Variants in LRRC57 observed in about 807,000 individuals in gnomAD.
LRRC57 encodes the protein leucine rich repeat containing 57.
Under a neutral mutation model 23.1 loss-of-function variants are expected in LRRC57, and 14 were observed. The observed-to-expected ratio is 0.61, with a 90% confidence interval of 0.40 to 0.95. LRRC57 has a LOEUF of 0.95. Among genes scored for constraint, LRRC57 ranks in the 40% least tolerant of loss-of-function variants. LRRC57 has a pLI of 0.00. For missense variants in LRRC57, 236 were observed against 284.4 expected, an observed-to-expected ratio of 0.83 and a Z score of 1.22; for synonymous variants, 106 against 115.2, an observed-to-expected ratio of 0.92 and a Z score of 0.51.
At chr15:42,529,859 GTTCAGTGT>G in the LRRC57 span, 1 of 1,601,740 alleles carries the variant, frequency 6.2e-7, no homozygotes, top group Non-Finnish European at 8.5e-7. Flanking sequence ...GAGACACCCA[GTTCAGTGT>G]TTCAGTAATA....
In LRRC57 at chr15:42,540,193, CAA is replaced by C. The variant is rs1210294999; in HGVS notation, c.*3888_*3889del. ...CGTGGGCAAGAGTGAGCCTCTGGAC[CAA>C]AAAAAAAAAAAAAAAGGGCATTCCC... On this transcript the variant is annotated 3_prime_UTR_variant, in exon 6 of 6. Transcript: ENST00000397130. The C allele has an allele frequency of 9.2e-4, 87 of 94,770 alleles. No individual in the cohort carries two copies. Among genetic ancestry groups the C allele is most frequent in the Admixed American group, 1.3e-3 (11 of 8,538 alleles). The allele number at this position is 94,770 out of a possible 1,614,324, so 5.9% of individuals were successfully genotyped here.
Position 42,538,307 on chromosome 15 carries a change from G to A in LRRC57, c.*5776C>T, listed in dbSNP as rs1031678323. 2 of 152,138 alleles carry A rather than the reference G, an allele frequency of 1.3e-5. No homozygotes were observed. The highest frequency in any genetic ancestry group is 4.1e-4 in the South Asian group (2 of 4,834). 9.4% of individuals were successfully genotyped at this position (152,138 alleles called of 1,614,324 possible). A position where few individuals can be genotyped will look rare whatever the true frequency, so the allele number is the denominator to read the frequency against. On this transcript the variant is annotated 3_prime_UTR_variant, in exon 6 of 6. Transcript: ENST00000397130. ...CTAATCAGATTTTATTTCTCAGATT[G>A]ATATTCAAGTTTCTCATCTAGTCAT...
At chr15:42,547,823 C>T in intron 3 of LRRC57, 1 of 546,512 alleles carries the variant, frequency 1.8e-6, no homozygotes, top group South Asian at 2.5e-5. Flanking sequence ...TCTCATCCAT[C>T]CCCCATTCCA....
chr15:42,531,675 G>T, the LRRC57 span: 8 of 438,002 alleles, frequency 1.8e-5, no homozygotes, highest in South Asian at 2.1e-4. Context: ...CTTCCTTCTA[G>T]TATTTTCTTT....
downstream of LRRC57, chr15:42,537,711 A>G (rs920330770): frequency 3.3e-5 from 5 of 152,208 alleles, no homozygotes; most frequent in African/African-American, 1.2e-4. Context: ...CAGCCATAAA[A>G]AGAATGAAAT....
chr15:42,539,918 G>C lies in LRRC57; in HGVS notation c.*4165C>G, dbSNP rs2057619710. ...ATATTAATTAAGAGAGGGCAGGCTG[G>C]GCACGTTAGCTCACGCCTGCAATTC... is the stretch of plus-strand genomic sequence containing the variant. On this transcript the variant is annotated 3_prime_UTR_variant, in exon 6 of 6. Coordinates refer to ENST00000397130, the MANE Select transcript of LRRC57 (RefSeq NM_153260.3). 1 of 152,154 alleles carries C rather than the reference G, an allele frequency of 6.6e-6. No homozygotes were observed. Among genetic ancestry groups the C allele is most frequent in the Non-Finnish European group, 1.5e-5 (1 of 68,058 alleles). The allele number at this position is 152,154 out of a possible 1,614,324, so 9.4% of individuals were successfully genotyped here.
rs1595540700 is a variant in LRRC57 at position 42,547,802 on chromosome 15, G to A, written c.224-273C>T. 4 of 543,270 alleles carry A rather than the reference G, an allele frequency of 7.4e-6. No homozygotes were observed. In the East Asian group the frequency reaches 1.2e-4, roughly 17 times the overall value. The allele number at this position is 543,270 out of a possible 1,614,324, so 33.7% of individuals were successfully genotyped here. On this transcript the variant is annotated intron_variant, in intron 3 of 5. Transcript: ENST00000397130. ...GACAGCAATTTTGTGATATTTGGAA[G>A]ATCCTCCCCTTCTCATCCATCCCCC...
Position 42,545,117 on chromosome 15 carries a change from A to G in LRRC57, c.638T>C (p.Phe213Ser). 1 of 1,605,794 alleles carries G rather than the reference A, an allele frequency of 6.2e-7. No homozygotes were observed. The highest frequency in any genetic ancestry group is 2.2e-5 in the East Asian group (1 of 44,582). The change falls in exon 5 of 6, where the codon TTT becomes TCT. Residue 213 changes from phenylalanine (F) to serine (S), a missense_variant. Transcript: ENST00000397130. ...ICLLAVEGNL[F>S]EIKKLRELEG... ...CAGTTCTCGAAGTTTCTTTATTTCA[A>G]AAAGATTGCCTTCCACAGCAAGCAG...
chr15:42,545,040 GT>G (rs770015336), intron 5 of LRRC57, 36 bp downstream of exon 5: 3 of 1,425,906 alleles, frequency 2.1e-6, no homozygotes, highest in Admixed American at 4.3e-5. Flanking sequence ...CTTCTCTGGG[GT>G]AGTGACTAGA....
At chr15:42,535,053 A>G (rs1366018434), downstream of LRRC57, among the ~76,000 whole-genome samples, 2 of 152,232 alleles carry the variant, frequency 1.3e-5, no homozygotes, top group African/African-American at 4.8e-5. Context: ...GAAACAAGCT[A>G]GGCATTGACT....
chr15:42,545,288 C>T (rs377220669), intron 4 of LRRC57, 26 bp from the exon 5 acceptor site: 263 of 1,517,732 alleles, frequency 1.7e-4, no homozygotes, highest in Non-Finnish European at 2.2e-4. Context: ...AAAAGAATAA[C>T]AGGAAAAAGC....
the LRRC57 span, chr15:42,529,539 A>C: frequency 3.7e-6 from 3 of 806,374 alleles, no homozygotes; most frequent in African/African-American, 3.5e-5. Context: ...AATGTTTCCC[A>C]GGAATGGTAA....
chr15:42,546,876 C>T (rs970425973), intron 4 of LRRC57, among the ~76,000 whole-genome samples: 8 of 152,186 alleles, frequency 5.3e-5, no homozygotes, highest in African/African-American at 9.7e-5. Context: ...CTCTGACTCC[C>T]GACTCTGAGA....
intron 3 of LRRC57, 200 bp from the exon 4 acceptor site, chr15:42,547,729 TTG>T: frequency 1.7e-6 from 1 of 602,864 alleles, no homozygotes; most frequent in Non-Finnish European, 2.9e-6. Flanking sequence ...CGGAGAGCAT[TTG>T]TGTGTATAAT....
chr15:42,544,116 C>G lies in LRRC57; in HGVS notation c.687G>C (p.Glu229Asp), dbSNP rs756703609. 3 of 1,611,932 alleles carry G rather than the reference C, an allele frequency of 1.9e-6. No homozygotes were observed. The African/African-American group carries it at 4.0e-5, about 22-fold the overall frequency. ...ACTTCTTCTTGGTGGCTGTGAACCTCTCCATGTACTAAAAAACATGAAAGA... is the reference window on the plus strand; with the variant it reads ...ACTTCTTCTTGGTGGCTGTGAACCTGTCCATGTACTAAAAAACATGAAAGA... Reference protein sequence around the residue: ...RELEGYDKYMERFTATKKKFA With the variant: ...RELEGYDKYMDRFTATKKKFA Residue 229 changes from glutamate to aspartate, a missense_variant, in exon 6 of 6, where the codon GAG becomes GAC. Physicochemically the swap from Glu to Asp is conservative, Grantham distance 45. Transcript: ENST00000397130.
At position 42,547,453 on chromosome 15, in the gene LRRC57, C is replaced by T. The variant is rs2057665087; in HGVS notation, c.300G>A (p.Leu100=). 2.5e-6 allele frequency: 4 copies of T among 1,614,144 alleles called. No individual in the cohort carries two copies. Among genetic ancestry groups the T allele is most frequent in the Middle Eastern group, 1.6e-4 (1 of 6,062 alleles). Residue 100 remains leucine, a synonymous_variant, in exon 4 of 6, where the codon CTG becomes CTA. Transcript: ENST00000397130. ...LSLNNNHLRE[L]PSTFGQLSAL... ...CAGAGAGTTGCCCAAAGGTAGACGG[C>T]AGCTCTCTAAGGTGATTGTTGTTTA... is the stretch of plus-strand genomic sequence containing the variant.
rs2057645220 is a variant in LRRC57, at chr15:42,544,194, T to A, written c.679-70A>T. ...AAATAAATATAAGCCTAACTATTTTTTTTTTCATTTTGGTTTTTATTGCAT... is the reference window on the plus strand; with the variant it reads ...AAATAAATATAAGCCTAACTATTTTATTTTTCATTTTGGTTTTTATTGCAT... On this transcript the variant is annotated intron_variant, in intron 5 of 5. Transcript: ENST00000397130. 6 of 1,301,596 alleles carry A rather than the reference T, an allele frequency of 4.6e-6. No individual in the cohort carries two copies. In the East Asian group the frequency reaches 1.4e-4, roughly 30 times the overall value. The allele number at this position is 1,301,596 out of a possible 1,614,324, so 80.6% of individuals were successfully genotyped here.
Position 42,542,446 on chromosome 15 carries a change from G to A in LRRC57, c.*1637C>T, listed in dbSNP as rs1402883153. 1 of 152,250 alleles carries A rather than the reference G, an allele frequency of 6.6e-6. No individual in the cohort carries two copies. The highest frequency in any genetic ancestry group is 2.4e-5 in the African/African-American group (1 of 41,442). The allele number at this position is 152,250 out of a possible 1,614,324, so 9.4% of individuals were successfully genotyped here. A position where few individuals can be genotyped will look rare whatever the true frequency, so the allele number is the denominator to read the frequency against. ...CAATCTGAACATAAGCATGAAACAT[G>A]TCTTCCTAATCTATTTATAGGTTTA... is the stretch of plus-strand genomic sequence containing the variant. On this transcript the variant is annotated 3_prime_UTR_variant, in exon 6 of 6. Transcript: ENST00000397130.
At chr15:42,529,947 TGAG>T in the LRRC57 span, 1 of 1,003,262 alleles carries the variant, frequency 1.0e-6, no homozygotes, top group Non-Finnish European at 1.4e-6. Context: ...TTAATTCTGA[TGAG>T]GTGGTGGTTC....
Sources: gnomAD v4.1 joint callset for allele counts (sites outside exome capture counted in the v4.1 genomes callset) on GRCh38, gnomAD v4.1.1 for gene constraint, MANE v1.5 for transcripts, NCBI Gene and HGNC (gene_info 2026-07-23, HGNC 2026-07-21) for gene names.